Variants in CRTAC1 observed in about 807,000 individuals in gnomAD.
CRTAC1 encodes cartilage acidic protein 1, also known as acidic secreted protein in cartilage.
A neutral mutation model predicts 67.8 loss-of-function variants in CRTAC1; 37 were observed. That is an observed-to-expected ratio of 0.55 (90% CI 0.42 to 0.72). CRTAC1 has a LOEUF of 0.72. Among genes scored for constraint, CRTAC1 ranks in the 30% least tolerant of loss-of-function variants. CRTAC1 has a pLI of 0.00. For missense variants in CRTAC1, 780 were observed against 931.6 expected, an observed-to-expected ratio of 0.84 and a Z score of 2.12; for synonymous variants, 348 against 371.0, an observed-to-expected ratio of 0.94 and a Z score of 0.71.
At chr10:98,025,612 G>A (rs1843214983) in intron 1 of CRTAC1, among the ~76,000 whole-genome samples, 1 of 152,138 alleles carries the variant, frequency 6.6e-6, no homozygotes, top group African/African-American at 2.4e-5. Flanking sequence ...GTGTGATAAT[G>A]AACCAATTGA....
intron 2 of CRTAC1, among the ~76,000 whole-genome samples, chr10:97,970,964 C>A (rs2051701776): frequency 1.3e-5 from 2 of 152,116 alleles, no homozygotes. Context: ...GAAACACACC[C>A]CAGCTAATGA....
At chr10:97,917,724 C>T (rs574014606) in intron 4 of CRTAC1, 68 bp from the exon 5 acceptor site, 61 of 1,313,772 alleles carry the variant, frequency 4.6e-5, no homozygotes, top group Non-Finnish European at 5.7e-5. Flanking sequence ...GCCCCCTCCC[C>T]ACCCCAGGTA....
chr10:97,951,032 C>A (rs1262086885), intron 2 of CRTAC1, among the ~76,000 whole-genome samples: 3 of 152,140 alleles, frequency 2.0e-5, no homozygotes, highest in Non-Finnish European at 4.4e-5. Flanking sequence ...GGTGAAATTC[C>A]CCCACAATGA....
intron 2 of CRTAC1, among the ~76,000 whole-genome samples, chr10:98,010,122 C>A (rs2136693643): frequency 6.6e-6 from 1 of 151,976 alleles, no homozygotes; most frequent in Non-Finnish European, 1.5e-5. Flanking sequence ...TTACTGCAAC[C>A]TCCGCCTCCT....
At chr10:97,934,967 G>T (rs35281699) in intron 3 of CRTAC1, among the ~76,000 whole-genome samples, 6,798 of 147,724 alleles carry the variant, frequency 0.046, 222 homozygotes, top group Non-Finnish European at 0.068. Flanking sequence ...GGGCGTGGGT[G>T]GGGGGGAGCG....
At chr10:97,928,683 C>T (rs1387673121) in intron 3 of CRTAC1, among the ~76,000 whole-genome samples, 1 of 152,128 alleles carries the variant, frequency 6.6e-6, no homozygotes, top group Non-Finnish European at 1.5e-5. Context: ...TCAGGGAGGG[C>T]TTCATGAGGG....
At chr10:97,985,036 A>G (rs1335940312) in intron 2 of CRTAC1, among the ~76,000 whole-genome samples, 1 of 152,178 alleles carries the variant, frequency 6.6e-6, no homozygotes, top group Non-Finnish European at 1.5e-5. Flanking sequence ...ACTTGTGCCC[A>G]ACTCGTGGCT....
chr10:98,001,372 G>A (rs1842685111), intron 2 of CRTAC1, among the ~76,000 whole-genome samples: 1 of 152,148 alleles, frequency 6.6e-6, no homozygotes, highest in African/African-American at 2.4e-5. Context: ...CACTGGACCT[G>A]TTTCCTCATC....
At chr10:97,927,315 C>T (rs191505069) in intron 3 of CRTAC1, among the ~76,000 whole-genome samples, 51 of 152,310 alleles carry the variant, frequency 3.3e-4, no homozygotes, top group South Asian at 1.0e-3. Context: ...TGGGAAAGAA[C>T]GCACACTCAC....
At chr10:97,957,492 C>T (rs1475703707) in intron 2 of CRTAC1, among the ~76,000 whole-genome samples, 1 of 152,074 alleles carries the variant, frequency 6.6e-6, no homozygotes, top group Non-Finnish European at 1.5e-5. Context: ...AGACAGGGAC[C>T]ATTATGATCT....
intron 11 of CRTAC1, among the ~76,000 whole-genome samples, chr10:97,887,781 C>T (rs2050309314): frequency 6.6e-6 from 1 of 152,210 alleles, no homozygotes. Context: ...TACCCTGGAG[C>T]AGGAGTCCTG....
chr10:98,011,233 C>T lies in CRTAC1; in HGVS notation c.129G>A (p.Leu43=), dbSNP rs776768928. ...TGGGATTACTGTCATAGTCAGGAGG[C>T]AGAACTGAGTTGGTGACTGCAGTGA... is the stretch of plus-strand genomic sequence containing the variant. ...PMFTAVTNSV[L]PPDYDSNPTQ... The change falls in exon 2 of 15, where the codon CTG becomes CTA. Residue 43 remains leucine (L), a synonymous_variant. Coordinates refer to ENST00000370597, the MANE Select transcript of CRTAC1 (RefSeq NM_018058.7). 1.2e-6 allele frequency: 2 copies of T among 1,614,224 alleles called. No individual in the cohort carries two copies. The highest frequency in any genetic ancestry group is 8.5e-7 in the Non-Finnish European group (1 of 1,180,052).
At chr10:97,923,763 C>A (rs557537892) in intron 3 of CRTAC1, among the ~76,000 whole-genome samples, 113 of 152,284 alleles carry the variant, frequency 7.4e-4, no homozygotes, top group African/African-American at 2.6e-3. Context: ...CGGCAACATC[C>A]AAACTCAACC....
chr10:97,966,701 C>T (rs896339461), intron 2 of CRTAC1, among the ~76,000 whole-genome samples: 1 of 152,224 alleles, frequency 6.6e-6, no homozygotes, highest in Non-Finnish European at 1.5e-5. Flanking sequence ...AGCTCTTTAG[C>T]TCCTCTTCGC....
chr10:97,998,086 T>C (rs1020534331), intron 2 of CRTAC1, among the ~76,000 whole-genome samples: 4 of 152,196 alleles, frequency 2.6e-5, no homozygotes, highest in Non-Finnish European at 5.9e-5. Context: ...TCTTCCCACA[T>C]CAGCCTCCTG....
At chr10:98,015,832 G>A (rs1050015981) in intron 1 of CRTAC1, among the ~76,000 whole-genome samples, 5 of 152,192 alleles carry the variant, frequency 3.3e-5, no homozygotes, top group African/African-American at 1.2e-4. Flanking sequence ...CCAGGTGGTG[G>A]TGGTGATATT....
At chr10:97,922,077 C>T (rs552210053) in intron 4 of CRTAC1, among the ~76,000 whole-genome samples, 11 of 152,150 alleles carry the variant, frequency 7.2e-5, no homozygotes, top group East Asian at 1.9e-4. Flanking sequence ...TGGTCCTGAA[C>T]GGGTGAGATG....
At chr10:97,954,047 G>A (rs1016222851) in intron 2 of CRTAC1, among the ~76,000 whole-genome samples, 31 of 152,234 alleles carry the variant, frequency 2.0e-4, no homozygotes, top group African/African-American at 6.5e-4. Context: ...CTGGGCTGCC[G>A]TGGCATCGCC....
At chr10:97,915,160 G>A (rs2050741144) in intron 5 of CRTAC1, among the ~76,000 whole-genome samples, 1 of 152,092 alleles carries the variant, frequency 6.6e-6, no homozygotes, top group South Asian at 2.1e-4. Context: ...TGCCAGCCTG[G>A]GGCTGTCATC....
Sources: gnomAD v4.1 joint callset for allele counts (sites outside exome capture counted in the v4.1 genomes callset) on GRCh38, gnomAD v4.1.1 for gene constraint, MANE v1.5 for transcripts, NCBI Gene and HGNC (gene_info 2026-07-23, HGNC 2026-07-21) for gene names.